The following CALN1 variants were observed in gnomAD, a reference collection of about 807,000 sequenced individuals.
The protein encoded by CALN1 is calneuron 1.
Under a neutral mutation model 30.6 loss-of-function variants are expected in CALN1, and 17 were observed. The observed-to-expected ratio is 0.56, with a 90% CI of 0.38 to 0.83. The LOEUF is 0.83. Ranked by LOEUF, CALN1 falls within the 40% of genes least tolerant of loss-of-function variation. The probability of loss-of-function intolerance (pLI) is 0.00; values close to 1 mark genes in which losing one functional copy is unlikely to be tolerated. For missense variants in CALN1, 291 were observed against 354.9 expected (o/e 0.82, Z 1.45); for synonymous variants, 156 against 131.4 (o/e 1.19, Z -1.28).
chr7:72,112,837 A>G (rs1807673954), intron 3 of CALN1, among the ~76,000 whole-genome samples: 1 of 152,218 alleles, frequency 6.6e-6, no homozygotes, highest in African/African-American at 2.4e-5. Context: ...AGCAAGAATG[A>G]CAAGTGCTAT....
At chr7:72,271,564 T>TAAAAAAAAAAA (rs1305576740) in intron 3 of CALN1, among the ~76,000 whole-genome samples, 22 of 64,572 alleles carry the variant, frequency 3.4e-4, no homozygotes, top group South Asian at 1.5e-3. Context: ...GCCTGCCTTT[T>TAAAAAAAAAAA]AAAAAAAAAA....
At chr7:72,194,749 G>C (rs949831313) in intron 3 of CALN1, among the ~76,000 whole-genome samples, 5 of 151,556 alleles carry the variant, frequency 3.3e-5, no homozygotes, top group Admixed American at 3.3e-4. Context: ...CAGCCACCAC[G>C]GCCAGCTGAT....
intron 5 of CALN1, among the ~76,000 whole-genome samples, chr7:71,832,923 TA>T (rs1470042646): frequency 6.6e-6 from 1 of 152,170 alleles, no homozygotes; most frequent in Admixed American, 6.5e-5. Flanking sequence ...AGTGTTTCTA[TA>T]ATATCATCCA....
At chr7:72,080,700 A>G (rs1221586357) in intron 4 of CALN1, among the ~76,000 whole-genome samples, 2 of 152,012 alleles carry the variant, frequency 1.3e-5, no homozygotes, top group East Asian at 3.9e-4. Flanking sequence ...TTCCACACAG[A>G]CTCCAGGCAG....
intron 6 of CALN1, among the ~76,000 whole-genome samples, chr7:71,799,777 G>C (rs1455120652): frequency 3.3e-5 from 5 of 152,010 alleles, no homozygotes; most frequent in African/African-American, 1.2e-4. Flanking sequence ...CGCCCAGCTG[G>C]GTCTCTATTT....
chr7:72,056,541 G>C (rs912857645), intron 4 of CALN1, among the ~76,000 whole-genome samples: 44 of 152,040 alleles, frequency 2.9e-4, no homozygotes, highest in Non-Finnish European at 5.6e-4. Flanking sequence ...ACATGAATTA[G>C]AGGATAAAAA....
At chr7:71,877,535 A>C (rs901327337) in intron 5 of CALN1, among the ~76,000 whole-genome samples, 1 of 152,158 alleles carries the variant, frequency 6.6e-6, no homozygotes. Flanking sequence ...TTGGGTAACA[A>C]AAATCTAGAA....
chr7:71,889,431 A>G (rs1793107452), intron 5 of CALN1, among the ~76,000 whole-genome samples: 1 of 152,218 alleles, frequency 6.6e-6, no homozygotes, highest in Non-Finnish European at 1.5e-5. Flanking sequence ...TAAATTAAAA[A>G]ATAAAACACA....
At chr7:72,098,264 C>T (rs545171676) in intron 4 of CALN1, among the ~76,000 whole-genome samples, 1 of 152,252 alleles carries the variant, frequency 6.6e-6, no homozygotes, top group Non-Finnish European at 1.5e-5. Flanking sequence ...ACTTTAGCTG[C>T]AGAGGCTGAT....
intron 2 of CALN1, among the ~76,000 whole-genome samples, chr7:72,293,231 C>G (rs775173004): frequency 6.6e-6 from 1 of 152,124 alleles, no homozygotes. Context: ...ATGGCAGCAA[C>G]GTATTCCCAC....
intron 4 of CALN1, among the ~76,000 whole-genome samples, chr7:72,104,991 A>T (rs1806977964): frequency 6.6e-6 from 1 of 152,150 alleles, no homozygotes; most frequent in Admixed American, 6.5e-5. Flanking sequence ...AATTAAAAAA[A>T]TTAAATGAAA....
chr7:72,414,439 G>T (rs1807358599), upstream of CALN1, among the ~76,000 whole-genome samples: 1 of 152,158 alleles, frequency 6.6e-6, no homozygotes. Flanking sequence ...CTTGATGCCA[G>T]ACCAGGGGTC....
intron 1 of CALN1, among the ~76,000 whole-genome samples, chr7:72,410,641 T>C (rs933624728): frequency 2.0e-5 from 3 of 152,196 alleles, no homozygotes; most frequent in African/African-American, 7.2e-5. Context: ...TAAATTCGCA[T>C]AAGCAAAACA....
intron 3 of CALN1, among the ~76,000 whole-genome samples, chr7:72,237,540 G>A (rs374090702): frequency 6.6e-6 from 1 of 152,180 alleles, no homozygotes. Context: ...GCCACAGCGA[G>A]GGCCAGGAGA....
intron 2 of CALN1, among the ~76,000 whole-genome samples, chr7:72,306,569 CTT>C (rs1222191557): frequency 6.6e-6 from 1 of 151,136 alleles, no homozygotes; most frequent in East Asian, 1.9e-4. Context: ...TACTTTCCTT[CTT>C]TTCTTTTCCT....
intron 2 of CALN1, among the ~76,000 whole-genome samples, chr7:72,401,241 T>A (rs576373990): frequency 2.0e-5 from 3 of 151,880 alleles, no homozygotes; most frequent in Admixed American, 6.5e-5. Context: ...CAATGCACTC[T>A]GAGAGATAAC....
chr7:72,015,203 G>C, intron 5 of CALN1, among the ~76,000 whole-genome samples: 1 of 152,218 alleles, frequency 6.6e-6, no homozygotes, highest in East Asian at 1.9e-4. Flanking sequence ...CTGGAAGGAA[G>C]CAAGGGTCAG....
chr7:71,800,677 C>T (rs989239183), intron 6 of CALN1, among the ~76,000 whole-genome samples: 3 of 151,940 alleles, frequency 2.0e-5, no homozygotes, highest in Non-Finnish European at 4.4e-5. Context: ...GATGAAGCAC[C>T]GTTTCGTATG....
intron 5 of CALN1, among the ~76,000 whole-genome samples, chr7:71,819,649 C>T (rs1428824032): frequency 6.6e-6 from 1 of 152,146 alleles, no homozygotes; most frequent in Non-Finnish European, 1.5e-5. Context: ...CACTATCTCC[C>T]CATTCCTCCC....
Sources: allele counts gnomAD v4.1 joint callset (sites outside exome capture counted in the v4.1 genomes callset), GRCh38; gene constraint gnomAD v4.1.1; transcripts MANE v1.5; gene names NCBI Gene and HGNC (gene_info 2026-07-23, HGNC 2026-07-21).